The following KIFAP3 variants were observed in gnomAD, a reference collection of about 807,000 sequenced individuals.
KIFAP3 encodes the protein kinesin-associated protein 3.
A neutral mutation model predicts 106.5 loss-of-function variants in KIFAP3; 68 were observed. The ratio of observed to expected loss-of-function variants is 0.64; its 90% CI spans 0.53 to 0.78. The LOEUF is 0.78. Ranked by LOEUF, KIFAP3 falls within the 30% of genes least tolerant of loss-of-function variation. The pLI is 0.00. For missense variants in KIFAP3, 780 were observed against 941.8 expected, an observed-to-expected ratio of 0.83 and a Z score of 2.25; for synonymous variants, 320 against 311.5, an observed-to-expected ratio of 1.03 and a Z score of -0.29.
chr1:170,065,303 TC>T (rs1671378803), intron 1 of KIFAP3, among the ~76,000 whole-genome samples: 1 of 152,180 alleles, frequency 6.6e-6, no homozygotes, highest in African/African-American at 2.4e-5. Flanking sequence ...GTCTTGCTTT[TC>T]TTTTTTCTTT....
At chr1:170,073,014 A>G (rs1671775251) in intron 1 of KIFAP3, among the ~76,000 whole-genome samples, 1 of 152,236 alleles carries the variant, frequency 6.6e-6, no homozygotes, top group South Asian at 2.1e-4. Flanking sequence ...AAGTCACAGT[A>G]TGCCTCAGTG....
At chr1:169,923,247 T>C (rs1316240749) in intron 19 of KIFAP3, 1 of 207,640 alleles carries the variant, frequency 4.8e-6, no homozygotes, top group Admixed American at 6.5e-5. Context: ...TTTGAAATGG[T>C]AAAAATATAG....
chr1:170,032,075 G>T, intron 7 of KIFAP3, 91 bp from the exon 8 acceptor site: 1 of 708,274 alleles, frequency 1.4e-6, no homozygotes, highest in Non-Finnish European at 2.5e-6. Flanking sequence ...TAAATTTTAT[G>T]TGCAACTTTA....
chr1:170,038,398 C>A lies in KIFAP3; in HGVS notation c.409G>T (p.Glu137Ter). 1 of 1,608,220 alleles carries A rather than the reference C, an allele frequency of 6.2e-7. No individual in the cohort carries two copies. The highest frequency in any genetic ancestry group is 8.5e-7 in the Non-Finnish European group (1 of 1,178,328). ...TCTTCATATAATAACTCAATATATT[C>A]ATCCATGTCATTAATGTTAGCAACT... is the stretch of plus-strand genomic sequence containing the variant. The part of the protein sequence containing the change: ...DEVANINDMD[E>*]YIELLYEDIP... Residue 137 changes from glutamate (E) to a stop codon, truncating the protein, a stop_gained, in exon 5 of 20, where the codon GAA becomes TAA. Coordinates refer to ENST00000361580, the MANE Select transcript of KIFAP3 (RefSeq NM_014970.4). LOFTEE classifies it high-confidence loss of function.
chr1:169,943,469 A>T (rs1664250049), intron 19 of KIFAP3, among the ~76,000 whole-genome samples: 1 of 152,300 alleles, frequency 6.6e-6, no homozygotes, highest in South Asian at 2.1e-4. Flanking sequence ...CATTACACTC[A>T]TATTTAAAGG....
intron 5 of KIFAP3, among the ~76,000 whole-genome samples, chr1:170,037,607 C>A (rs371758097): frequency 1.3e-5 from 2 of 151,008 alleles, no homozygotes; most frequent in Non-Finnish European, 2.9e-5. Context: ...AGTGGTGGCA[C>A]GTGCCTATAA....
chr1:170,071,326 A>T (rs1671692458), intron 1 of KIFAP3, among the ~76,000 whole-genome samples: 1 of 152,246 alleles, frequency 6.6e-6, no homozygotes, highest in South Asian at 2.1e-4. Context: ...ATAGGTAGAA[A>T]CAACCCAAAT....
chr1:170,081,603 C>G (rs1672021538), intron 1 of KIFAP3, among the ~76,000 whole-genome samples: 1 of 152,190 alleles, frequency 6.6e-6, no homozygotes, highest in South Asian at 2.1e-4. Context: ...ATCTTCAAAG[C>G]CAGCAACAGT....
chr1:170,041,247 C>T lies in KIFAP3; in HGVS notation c.320-1959G>A, dbSNP rs188607485. 8.5e-4 allele frequency among the ~76,000 whole-genome samples: 129 copies of T among 152,286 alleles called. 3 individuals are homozygous for T. Among genetic ancestry groups the T allele is most frequent in the Non-Finnish European group, 1.2e-4 (8 of 68,028 alleles). ...TATTAAGTACAAGGCATTTTATTAG[C>T]TGTGGATGAAGAGAGACTGACTAAT... On this transcript the variant is annotated intron_variant, in intron 3 of 19. Coordinates refer to ENST00000361580, the MANE Select transcript of KIFAP3 (RefSeq NM_014970.4).
intron 3 of KIFAP3, chr1:170,041,554 CT>C: frequency 1.5e-6 from 1 of 650,430 alleles, no homozygotes; most frequent in South Asian, 2.0e-5. Flanking sequence ...TCGTAGGCAT[CT>C]GCCTGTGGCT....
At chr1:169,950,293 G>T (rs1664661471) in intron 19 of KIFAP3, among the ~76,000 whole-genome samples, 1 of 152,096 alleles carries the variant, frequency 6.6e-6, no homozygotes, top group Non-Finnish European at 1.5e-5. Context: ...ATGCCACTTG[G>T]CACTGTCATA....
At chr1:170,075,874 T>C (rs1671893111), upstream of KIFAP3, among the ~76,000 whole-genome samples, 1 of 152,232 alleles carries the variant, frequency 6.6e-6, no homozygotes, top group African/African-American at 2.4e-5. Context: ...AATCACTTTA[T>C]ACCTAGAGTA....
chr1:170,049,813 C>CT (rs1670479469), intron 2 of KIFAP3, among the ~76,000 whole-genome samples: 1 of 151,164 alleles, frequency 6.6e-6, no homozygotes, highest in Admixed American at 6.6e-5. Context: ...AAACACCACC[C>CT]CCCCCCAAAA....
intron 12 of KIFAP3, among the ~76,000 whole-genome samples, chr1:169,984,357 T>C (rs1387045861): frequency 6.6e-6 from 1 of 151,814 alleles, no homozygotes; most frequent in East Asian, 1.9e-4. Context: ...AAATTTCAAT[T>C]AAGGCTAACT....
chr1:170,012,795 G>A (rs967798595), intron 10 of KIFAP3, among the ~76,000 whole-genome samples: 43 of 152,216 alleles, frequency 2.8e-4, no homozygotes, highest in African/African-American at 9.1e-4. Flanking sequence ...AATCATGACC[G>A]AAGGCAAATG....
chr1:170,013,835 A>G (rs1668371480), intron 10 of KIFAP3, among the ~76,000 whole-genome samples: 1 of 151,046 alleles, frequency 6.6e-6, no homozygotes, highest in Admixed American at 6.6e-5. Context: ...TATCAACAGA[A>G]TGTAGCAATA....
At chr1:169,969,145 CAA>C (rs1175677025) in intron 17 of KIFAP3, among the ~76,000 whole-genome samples, 1 of 151,942 alleles carries the variant, frequency 6.6e-6, no homozygotes, top group Non-Finnish European at 1.5e-5. Flanking sequence ...TTTCTGCCAA[CAA>C]TTCACTTGAA....
At chr1:170,076,610 GGTAAT>G (rs1671921302), upstream of KIFAP3, among the ~76,000 whole-genome samples, 1 of 152,078 alleles carries the variant, frequency 6.6e-6, no homozygotes, top group South Asian at 2.1e-4. Flanking sequence ...TCTGAAAGCT[GGTAAT>G]TAAAAGAAAG....
chr1:170,023,511 T>C (rs774966349), intron 9 of KIFAP3, among the ~76,000 whole-genome samples: 1 of 152,064 alleles, frequency 6.6e-6, no homozygotes, highest in South Asian at 2.1e-4. Flanking sequence ...ACTTCATTTA[T>C]AGGAAACTGC....
Sources: gnomAD v4.1 joint callset for allele counts (sites outside exome capture counted in the v4.1 genomes callset) on GRCh38, gnomAD v4.1.1 for gene constraint, MANE v1.5 for transcripts, NCBI Gene and HGNC (gene_info 2026-07-23, HGNC 2026-07-21) for gene names.